The following PLA2G15 variants were observed in gnomAD, a reference collection of about 807,000 sequenced individuals.
PLA2G15 encodes the protein phospholipase A2 group XV.
PLA2G15 carries 20 observed loss-of-function variants against 40.9 expected under a neutral mutation model. The observed-to-expected ratio is 0.49, with a 90% CI of 0.34 to 0.71. The LOEUF (loss-of-function observed/expected upper bound fraction) is 0.71. PLA2G15 is among the 30% of genes least tolerant of loss of function. The pLI, the probability that PLA2G15 is intolerant of heterozygous loss-of-function variation, is 0.01. For synonymous variants in PLA2G15, 223 were observed against 228.2 expected, an observed-to-expected ratio of 0.98 and a Z score of 0.21; for missense variants, 471 against 541.9, an observed-to-expected ratio of 0.87 and a Z score of 1.30.
rs1217973958 is a variant in PLA2G15 at position 68,259,694 on chromosome 16, A to T, written c.*37A>T. 1 of 1,588,552 alleles carries T rather than the reference A, an allele frequency of 6.3e-7. No individual in the cohort carries two copies. Among genetic ancestry groups the T allele is most frequent in the South Asian group, 1.1e-5 (1 of 88,528 alleles). ...CAGGACTCCTGTGGCTCGGCCGTGG[A>T]CCTGCTGTTGGCCTCTGGGGCTGTC... is the stretch of plus-strand genomic sequence containing the variant. On this transcript the variant is annotated 3_prime_UTR_variant, in exon 6 of 6. Transcript: ENST00000219345. The surrounding 1 kb of genome is among the most constrained non-coding windows in gnomAD (Gnocchi z 6.5).
intron 5 of PLA2G15, 66 bp downstream of exon 5, chr16:68,256,056 A>C: frequency 1.9e-6 from 2 of 1,053,088 alleles, no homozygotes; most frequent in Non-Finnish European, 2.8e-6. Context: ...TTCCCTTCCT[A>C]AGTGTCCTCC....
chr16:68,255,002 C>T lies in PLA2G15; in HGVS notation c.368C>T (p.Ser123Leu). The change falls in exon 3 of 6, where the codon TCA (serine) becomes TTA (leucine). Residue 123 changes from serine to leucine, a missense_variant. Ser to Leu is a moderately radical substitution (Grantham distance 145). Coordinates refer to ENST00000219345, the MANE Select transcript of PLA2G15 (RefSeq NM_012320.4). The surrounding 1 kb of genome is among the most constrained non-coding windows in gnomAD (Gnocchi z 5.9). ...VRVPGFGKTF[S>L]LEFLDPSKSS... ...GTCCCTGGCTTTGGGAAGACCTTCT[C>T]ACTGGAGTTCCTGGACCCCAGCAAA... The T allele has an allele frequency of 6.2e-7, 1 of 1,613,726 alleles. No homozygotes were observed. The highest frequency in any genetic ancestry group is 8.5e-7 in the Non-Finnish European group (1 of 1,179,686).
Position 68,245,443 on chromosome 16 carries a change from G to T in PLA2G15, c.17G>T (p.Arg6Leu), listed in dbSNP as rs754043665. 5 of 1,605,062 alleles carry T rather than the reference G, an allele frequency of 3.1e-6. No homozygotes were observed. Among genetic ancestry groups the T allele is most frequent in the Non-Finnish European group, 4.2e-6 (5 of 1,179,752 alleles). The change falls in exon 1 of 6, where the codon CGC (arginine) becomes CTC (leucine). Residue 6 changes from arginine to leucine, a missense_variant. Transcript: ENST00000219345. ...TCGTACACCATGGGCCTCCACCTCC[G>T]CCCCTACCGTGTGGGGCTGCTCCCG... is the stretch of plus-strand genomic sequence containing the variant. MGLHL[R>L]PYRVGLLPDG...
In PLA2G15 at chr16:68,259,674, C is replaced by A; in HGVS notation, c.*17C>A. On this transcript the variant is annotated 3_prime_UTR_variant, in exon 6 of 6. Transcript: ENST00000219345. The surrounding 1 kb of genome is among the most constrained non-coding windows in gnomAD (Gnocchi z 6.5). ...GGGCCCTGACTCCTGTGCCACAGGACTCCTGTGGCTCGGCCGTGGACCTGC... is the reference window on the plus strand; with the variant it reads ...GGGCCCTGACTCCTGTGCCACAGGAATCCTGTGGCTCGGCCGTGGACCTGC... 1 of 1,601,452 alleles carries A rather than the reference C, an allele frequency of 6.2e-7. No homozygotes were observed. Among genetic ancestry groups the A allele is most frequent in the South Asian group, 1.1e-5 (1 of 90,388 alleles).
rs549441894 is a variant in PLA2G15 at position 68,257,387 on chromosome 16, T to C, written c.727+1397T>C. Among the ~76,000 whole-genome samples the C allele has an allele frequency of 7.2e-5, 11 of 152,302 alleles. No homozygotes were observed. The South Asian group carries it at 1.9e-3, about 26-fold the overall frequency. ...ATCTGTGGGCAGCACGGAGCCTCTG[T>C]AGGCAACACAGGGAGGAAGCAGGTG... On this transcript the variant is annotated intron_variant, in intron 5 of 5. Coordinates refer to ENST00000219345, the MANE Select transcript of PLA2G15 (RefSeq NM_012320.4).
At chr16:68,246,884 A>C (rs1310677081) in intron 1 of PLA2G15, among the ~76,000 whole-genome samples, 1 of 152,120 alleles carries the variant, frequency 6.6e-6, no homozygotes. Context: ...GGTCATCTGA[A>C]CTTTATCTTG....
In PLA2G15 at chr16:68,248,763, C is replaced by T. The variant is rs143338469; in HGVS notation, c.128-527C>T. ...GGAATGCAAAGGGGTCTCCAAGCCC[C>T]TCCTCCCAGGCAGAGCTCCCATCGG... On this transcript the variant is annotated intron_variant, in intron 1 of 5. Coordinates refer to ENST00000219345, the MANE Select transcript of PLA2G15 (RefSeq NM_012320.4). The T allele has an allele frequency of 5.4e-3, 5,272 of 983,096 alleles. 26 individuals are homozygous for T. Among genetic ancestry groups the T allele is most frequent in the Non-Finnish European group, 5.7e-3 (4,733 of 823,828 alleles). The allele number at this position is 983,096 out of a possible 1,614,324, so 60.9% of individuals were successfully genotyped here. A position where few individuals can be genotyped will look rare whatever the true frequency, so the allele number is the denominator to read the frequency against.
At chr16:68,254,793 C>T (rs765394256) in intron 2 of PLA2G15, 126 bp from the exon 3 acceptor site, 1 of 670,920 alleles carries the variant, frequency 1.5e-6, no homozygotes, top group Non-Finnish European at 2.7e-6. Context: ...ACTTTTCGGT[C>T]TCTCCTATCC....
Position 68,255,671 on chromosome 16 carries a change from C to T in PLA2G15, c.503-95C>T, listed in dbSNP as rs1328403638. ...TCTGTTTGAATGTGAGCACCCTCCC[C>T]TCCCCCTCTCGTCTTGTGTCTGGCC... On this transcript the variant is annotated intron_variant, in intron 4 of 5. Coordinates refer to ENST00000219345, the MANE Select transcript of PLA2G15 (RefSeq NM_012320.4). The surrounding 1 kb of genome is among the most constrained non-coding windows in gnomAD (Gnocchi z 5.9). 7 of 1,024,066 alleles carry T rather than the reference C, an allele frequency of 6.8e-6. No homozygotes were observed. The highest frequency in any genetic ancestry group is 1.4e-5 in the South Asian group (1 of 73,870). The allele number at this position is 1,024,066 out of a possible 1,614,324, so 63.4% of individuals were successfully genotyped here.
At chr16:68,246,135 G>C (rs1429621733) in intron 1 of PLA2G15, among the ~76,000 whole-genome samples, 1 of 152,238 alleles carries the variant, frequency 6.6e-6, no homozygotes, top group Non-Finnish European at 1.5e-5. Flanking sequence ...TCAGGGGAAA[G>C]GGTTGGGACA....
chr16:68,252,458 A>T (rs1003791508), intron 2 of PLA2G15: 1 of 435,704 alleles, frequency 2.3e-6, no homozygotes, highest in African/African-American at 2.0e-5. Context: ...TTCTCCTGGT[A>T]TAAGGTGTCT....
chr16:68,251,733 G>A (rs2042356018), intron 2 of PLA2G15, among the ~76,000 whole-genome samples: 1 of 151,928 alleles, frequency 6.6e-6, no homozygotes, highest in African/African-American at 2.4e-5. Context: ...GGTGGCACAC[G>A]CCCATGATCC....
chr16:68,246,181 C>T (rs2042307070), intron 1 of PLA2G15, among the ~76,000 whole-genome samples: 1 of 152,242 alleles, frequency 6.6e-6, no homozygotes, highest in South Asian at 2.1e-4. Flanking sequence ...CATGCTTGTA[C>T]TCTTACCCTG....
intron 1 of PLA2G15, among the ~76,000 whole-genome samples, chr16:68,247,908 G>A (rs2042322105): frequency 6.6e-6 from 1 of 152,238 alleles, no homozygotes; most frequent in African/African-American, 2.4e-5. Flanking sequence ...AAGGTCAATG[G>A]GAGTAACGAG....
rs1347403205 is a variant in PLA2G15, at chr16:68,259,806, G to A, written c.*149G>A. ...GAAGCATCTGCCATGGGGAAGTGCT[G>A]TTTGTTATCCTTTCTCTGTGGCAGT... On this transcript the variant is annotated 3_prime_UTR_variant, in exon 6 of 6. Coordinates refer to ENST00000219345, the MANE Select transcript of PLA2G15 (RefSeq NM_012320.4). The surrounding 1 kb of genome is among the most constrained non-coding windows in gnomAD (Gnocchi z 6.5). The A allele has an allele frequency of 2.8e-5, 19 of 679,058 alleles. No homozygotes were observed. The South Asian group carries it at 3.2e-4, about 12-fold the overall frequency. The allele number at this position is 679,058 out of a possible 1,614,324, so 42.1% of individuals were successfully genotyped here. A position where few individuals can be genotyped will look rare whatever the true frequency, so the allele number is the denominator to read the frequency against.
Position 68,259,190 on chromosome 16 carries a change from G to A in PLA2G15, c.772G>A (p.Glu258Lys). The change falls in exon 6 of 6, where the codon GAG becomes AAG. Residue 258 changes from glutamate to lysine, a missense_variant. Coordinates refer to ENST00000219345, the MANE Select transcript of PLA2G15 (RefSeq NM_012320.4). The surrounding 1 kb of genome is among the most constrained non-coding windows in gnomAD (Gnocchi z 6.5). ...IPVIGPLKIREQQRSAVSTSW... is the reference protein window; with the variant it reads ...IPVIGPLKIRKQQRSAVSTSW... ...AGTCATCGGGCCCCTGAAGATCCGG[G>A]AGCAGCAGCGGTCAGCTGTCTCCAC... 1 of 1,613,776 alleles carries A rather than the reference G, an allele frequency of 6.2e-7. No homozygotes were observed.
At position 68,260,954 on chromosome 16, in the gene PLA2G15, A is replaced by T. The variant is rs1452848093; in HGVS notation, c.*1297A>T. The T allele has an allele frequency of 2.0e-5, 3 of 152,362 alleles. No homozygotes were observed. Among genetic ancestry groups the T allele is most frequent in the South Asian group, 4.1e-4 (2 of 4,832 alleles). 9.4% of individuals were successfully genotyped at this position (152,362 alleles called of 1,614,324 possible). A position where few individuals can be genotyped will look rare whatever the true frequency, so the allele number is the denominator to read the frequency against. ...TGTGCAGCTGGATTTTCTCTGTTGC[A>T]TACATGCCTGGCATCTGTCTCCCCT... On this transcript the variant is annotated 3_prime_UTR_variant, in exon 6 of 6. Coordinates refer to ENST00000219345, the MANE Select transcript of PLA2G15 (RefSeq NM_012320.4).
At position 68,255,786 on chromosome 16, in the gene PLA2G15, C is replaced by T. The variant is rs776967034; in HGVS notation, c.523C>T (p.Leu175=). ...TGCAGATGAAAACGGGCCCTACTTC[C>T]TGGCCCTCCGCGAGATGATCGAGGA... The part of the protein sequence containing the change: ...RAPNENGPYF[L]ALREMIEEMY... Residue 175 remains leucine, a synonymous_variant, in exon 5 of 6, where the codon CTG becomes TTG. Coordinates refer to ENST00000219345, the MANE Select transcript of PLA2G15 (RefSeq NM_012320.4). The surrounding 1 kb of genome is among the most constrained non-coding windows in gnomAD (Gnocchi z 5.9). 10 of 1,614,150 alleles carry T rather than the reference C, an allele frequency of 6.2e-6. No homozygotes were observed. In the East Asian group the frequency reaches 2.2e-4, roughly 36 times the overall value.
chr16:68,253,162 C>T (rs1489407565), intron 2 of PLA2G15, among the ~76,000 whole-genome samples: 5 of 152,108 alleles, frequency 3.3e-5, no homozygotes. Flanking sequence ...TTCCCTTCCT[C>T]CATGGAGGAT....
Sources: gnomAD v4.1 joint callset for allele counts (sites outside exome capture counted in the v4.1 genomes callset) on GRCh38, gnomAD v4.1.1 for gene constraint, Gnocchi (gnomAD v3.1) non-coding constraint, MANE v1.5 for transcripts, NCBI Gene and HGNC (gene_info 2026-07-23, HGNC 2026-07-21) for gene names.